Variants in NCOA1 observed in about 807,000 individuals in gnomAD.
NCOA1 encodes nuclear receptor coactivator 1.
Under a neutral mutation model 150.9 loss-of-function variants are expected in NCOA1, and 35 were observed. The observed-to-expected ratio is 0.23, with a 90% confidence interval of 0.18 to 0.31. The LOEUF is 0.31. Ranked by LOEUF, NCOA1 falls within the 10% of genes least tolerant of loss-of-function variation. The pLI is 1.00. For missense variants in NCOA1, 1,491 were observed against 1,749.3 expected (o/e 0.85, Z 2.63); for synonymous variants, 590 against 630.0 (o/e 0.94, Z 0.95).
At chr2:24,737,558 T>G (rs1221795329) in intron 17 of NCOA1, among the ~76,000 whole-genome samples, 1 of 152,182 alleles carries the variant, frequency 6.6e-6, no homozygotes, top group Non-Finnish European at 1.5e-5. Flanking sequence ...CCTCATTGCC[T>G]CCTCTCCTGT....
intron 14 of NCOA1, among the ~76,000 whole-genome samples, chr2:24,718,629 C>A (rs930719603): frequency 5.4e-5 from 8 of 149,486 alleles, no homozygotes; most frequent in Non-Finnish European, 1.0e-4. Context: ...GTCAGGAGTT[C>A]AAGACCAGTC....
At chr2:24,634,663 G>A (rs1669853584) in intron 3 of NCOA1, among the ~76,000 whole-genome samples, 1 of 141,656 alleles carries the variant, frequency 7.1e-6, no homozygotes, top group Non-Finnish European at 1.5e-5. Context: ...TTAAGGGTTT[G>A]CTCCATCCAT....
intron 14 of NCOA1, among the ~76,000 whole-genome samples, chr2:24,723,594 C>T (rs996461623): frequency 2.6e-5 from 4 of 152,044 alleles, no homozygotes; most frequent in Admixed American, 1.3e-4. Context: ...CATTTTTGCC[C>T]ATCTGATGGT....
intron 3 of NCOA1, among the ~76,000 whole-genome samples, chr2:24,632,271 A>G (rs972491591): frequency 2.6e-5 from 4 of 152,240 alleles, no homozygotes; most frequent in Non-Finnish European, 5.9e-5. Flanking sequence ...GCTGATGACC[A>G]GTTGGACTGA....
chr2:24,646,693 T>G (rs1407128478), intron 4 of NCOA1, among the ~76,000 whole-genome samples: 1 of 151,216 alleles, frequency 6.6e-6, no homozygotes, highest in Non-Finnish European at 1.5e-5. Flanking sequence ...TGGATTTTTC[T>G]TTTTTCTTCT....
chr2:24,619,800 A>C (rs981535426), intron 3 of NCOA1, among the ~76,000 whole-genome samples: 1 of 152,216 alleles, frequency 6.6e-6, no homozygotes, highest in African/African-American at 2.4e-5. Context: ...TTATAGTTAT[A>C]TAATTACAAA....
At chr2:24,559,899 C>T (rs1666228312) in intron 1 of NCOA1, among the ~76,000 whole-genome samples, 1 of 152,102 alleles carries the variant, frequency 6.6e-6, no homozygotes, top group Non-Finnish European at 1.5e-5. Flanking sequence ...CCATTCTGCC[C>T]TGAAGCAATG....
intron 22 of NCOA1, among the ~76,000 whole-genome samples, chr2:24,764,529 G>A (rs943106746): frequency 2.0e-5 from 3 of 152,182 alleles, no homozygotes; most frequent in African/African-American, 7.2e-5. Flanking sequence ...TGGTGCAGAG[G>A]TAGATTTAGA....
At chr2:24,530,812 T>C (rs1664851565) in intron 1 of NCOA1, among the ~76,000 whole-genome samples, 1 of 152,166 alleles carries the variant, frequency 6.6e-6, no homozygotes, top group Admixed American at 6.5e-5. Context: ...GATGAAAATA[T>C]ATTTATGAAT....
At chr2:24,708,187 G>C (rs960691066) in intron 13 of NCOA1, among the ~76,000 whole-genome samples, 1 of 152,042 alleles carries the variant, frequency 6.6e-6, no homozygotes, top group Non-Finnish European at 1.5e-5. Context: ...CTCTCTCCCA[G>C]CCCTACCTAT....
intron 14 of NCOA1, among the ~76,000 whole-genome samples, chr2:24,724,041 T>A (rs1674485612): frequency 6.6e-6 from 1 of 152,182 alleles, no homozygotes; most frequent in Non-Finnish European, 1.5e-5. Flanking sequence ...CAGAAATTTT[T>A]AAATTATTTC....
chr2:24,729,436 T>C (rs1032929444), intron 16 of NCOA1, 65 bp from the exon 17 acceptor site: 4 of 1,419,584 alleles, frequency 2.8e-6, no homozygotes, highest in Non-Finnish European at 3.9e-6. Context: ...TTTCTAGAAA[T>C]ACGGAAGCAT....
intron 10 of NCOA1, among the ~76,000 whole-genome samples, chr2:24,694,816 A>AT (rs1672825614): frequency 6.6e-6 from 1 of 151,996 alleles, no homozygotes; most frequent in Non-Finnish European, 1.5e-5. Flanking sequence ...ATTTATTTAA[A>AT]TTTTTTTAAA....
intron 22 of NCOA1, among the ~76,000 whole-genome samples, chr2:24,764,255 C>A (rs1433051963): frequency 4.6e-5 from 7 of 152,178 alleles, no homozygotes; most frequent in African/African-American, 1.7e-4. Flanking sequence ...CTTTCTACCG[C>A]CAGAGTCCAC....
chr2:24,706,921 C>T lies in NCOA1; in HGVS notation c.1451C>T (p.Ala484Val), dbSNP rs189482882. The T allele has an allele frequency of 6.2e-7, 1 of 1,614,162 alleles. No homozygotes were observed. Residue 484 changes from alanine (A) to valine (V), a missense_variant, in exon 13 of 23, where the codon GCA (alanine) becomes GTA (valine). Coordinates refer to ENST00000348332, the MANE Select transcript of NCOA1 (RefSeq NM_003743.5). Reference protein sequence around the residue: ...SPMEGTGISLAQFMSPRRQVT... With the variant: ...SPMEGTGISLVQFMSPRRQVT... ...ATGGAAGGTACAGGAATATCCCTAGCACAGTTCATGTCTCCAAGGAGACAG... is the reference window on the plus strand; with the variant it reads ...ATGGAAGGTACAGGAATATCCCTAGTACAGTTCATGTCTCCAAGGAGACAG...
intron 1 of NCOA1, among the ~76,000 whole-genome samples, chr2:24,501,765 TG>T (rs1433129530): frequency 6.6e-6 from 1 of 152,180 alleles, no homozygotes; most frequent in Non-Finnish European, 1.5e-5. Flanking sequence ...TGTAAAATTT[TG>T]TGAGTCTATA....
chr2:24,652,310 A>G (rs1049989452), intron 4 of NCOA1, among the ~76,000 whole-genome samples: 5 of 152,084 alleles, frequency 3.3e-5, no homozygotes, highest in Non-Finnish European at 7.4e-5. Flanking sequence ...AAAGACCCTT[A>G]CGTGTCTTAG....
chr2:24,594,662 G>T (rs1174433039), intron 3 of NCOA1, among the ~76,000 whole-genome samples: 5 of 152,184 alleles, frequency 3.3e-5, no homozygotes, highest in Middle Eastern at 6.8e-3. Context: ...AACCTCTAAA[G>T]AATTGTGTAA....
chr2:24,683,072 T>G lies in NCOA1; in HGVS notation c.476T>G (p.Ile159Arg). ...TTAATGAATACGAGCGTCTACAGCA[T>G]ACTGCACGTGGGGGATCATGCAGAA... ...EELMNTSVYS[I>R]LHVGDHAEFV... The change falls in exon 8 of 23, where the codon ATA (isoleucine) becomes AGA (arginine). Residue 159 changes from isoleucine to arginine, a missense_variant. By Grantham distance (97) the Ile-to-Arg change is moderately conservative (BLOSUM62 -3). This residue lies in a region of NCOA1 where 80 missense variants were observed against 163.0 expected (regional missense o/e 0.49). Transcript: ENST00000348332. 1 of 1,605,872 alleles carries G rather than the reference T, an allele frequency of 6.2e-7. No homozygotes were observed. Among genetic ancestry groups the G allele is most frequent in the Non-Finnish European group, 8.5e-7 (1 of 1,177,532 alleles).
Sources: allele counts gnomAD v4.1 joint callset (sites outside exome capture counted in the v4.1 genomes callset), GRCh38; gene constraint gnomAD v4.1.1; regional missense constraint gnomAD v4.1.1; transcripts MANE v1.5; gene names NCBI Gene and HGNC (gene_info 2026-07-23, HGNC 2026-07-21).